Variants in ERI1 observed in about 807,000 individuals in gnomAD.
ERI1 encodes the protein 3'-5' exoribonuclease 1.
A neutral mutation model predicts 39.7 loss-of-function variants in ERI1; 39 were observed. The observed-to-expected ratio is 0.98, with a 90% CI of 0.76 to 1.28. The LOEUF is 1.28. Ranked by LOEUF, ERI1 falls within the 50% of genes most tolerant of loss-of-function variation. The pLI, the probability that ERI1 is intolerant of heterozygous loss-of-function variation, is 0.00. For missense variants in ERI1, 581 were observed against 416.9 expected, an observed-to-expected ratio of 1.39 and a Z score of -3.43; for synonymous variants, 204 against 149.6, an observed-to-expected ratio of 1.36 and a Z score of -2.65.
intron 3 of ERI1, chr8:9,099,763 G>A (rs1415513525): frequency 6.6e-6 from 1 of 152,094 alleles, no homozygotes; most frequent in Admixed American, 6.5e-5. Flanking sequence ...ATGGACCTTT[G>A]GGGTTGTTTC....
chr8:9,004,922 A>C (rs577084907), intron 1 of ERI1, among the ~76,000 whole-genome samples: 301 of 152,164 alleles, frequency 2.0e-3, no homozygotes, highest in African/African-American at 7.1e-3. Context: ...TCCTGACCTC[A>C]GGTGATCCGC....
intron 3 of ERI1, among the ~76,000 whole-genome samples, chr8:9,048,985 A>G (rs781485878): frequency 7.2e-5 from 11 of 152,008 alleles, no homozygotes; most frequent in Non-Finnish European, 1.0e-4. Flanking sequence ...GGATCAAGAT[A>G]GGTGGAGGTG....
intron 3 of ERI1, among the ~76,000 whole-genome samples, chr8:9,041,908 A>G (rs184208022): frequency 2.0e-5 from 3 of 152,134 alleles, no homozygotes; most frequent in Admixed American, 1.3e-4. Flanking sequence ...CTGATTTTGT[A>G]TTTTTAGTAG....
chr8:9,065,660 A>C (rs1172583344), intron 3 of ERI1, among the ~76,000 whole-genome samples: 1 of 141,840 alleles, frequency 7.1e-6, no homozygotes, highest in African/African-American at 2.7e-5. Flanking sequence ...GCAGCACTGC[A>C]CTCCAGCCTG....
At chr8:9,068,767 C>T (rs998327722) in intron 3 of ERI1, among the ~76,000 whole-genome samples, 8 of 152,088 alleles carry the variant, frequency 5.3e-5, no homozygotes, top group African/African-American at 1.9e-4. Context: ...TGTTCACCTG[C>T]GTACCTTGAG....
At chr8:9,010,837 G>A (rs1157036833) in intron 2 of ERI1, among the ~76,000 whole-genome samples, 1 of 152,084 alleles carries the variant, frequency 6.6e-6, no homozygotes, top group African/African-American at 2.4e-5. Context: ...TTTGTGGAAT[G>A]TATATTTTAA....
At chr8:9,063,834 T>C (rs1798781630) in intron 3 of ERI1, among the ~76,000 whole-genome samples, 1 of 151,948 alleles carries the variant, frequency 6.6e-6, no homozygotes, top group Admixed American at 6.6e-5. Context: ...CAGAAGAAAA[T>C]AAGGCATTTA....
At chr8:9,090,951 C>A (rs913806257) in intron 3 of ERI1, among the ~76,000 whole-genome samples, 1 of 152,056 alleles carries the variant, frequency 6.6e-6, no homozygotes, top group Non-Finnish European at 1.5e-5. Context: ...ATATTACTTT[C>A]TAATACTTAG....
downstream of ERI1, among the ~76,000 whole-genome samples, chr8:9,035,036 A>G (rs1001047621): frequency 6.6e-6 from 1 of 152,220 alleles, no homozygotes; most frequent in African/African-American, 2.4e-5. Context: ...ATATTCTGTG[A>G]GGGTTGAGGG....
intron 3 of ERI1, among the ~76,000 whole-genome samples, chr8:9,042,541 C>A (rs898145608): frequency 6.6e-6 from 1 of 152,210 alleles, no homozygotes; most frequent in Non-Finnish European, 1.5e-5. Flanking sequence ...TGCCAGTTCC[C>A]TGTTCTTTGA....
At position 9,013,991 on chromosome 8, in the gene ERI1, A is replaced by C. The variant is rs28726165; in HGVS notation, c.498+2239A>C. On this transcript the variant is annotated intron_variant, in intron 3 of 6. Transcript: ENST00000250263. ...GTGTTTCTGTCTGTGTCCGCCTACA[A>C]CCAGTTCTCAAAAAACTGGCCAGAG... Among the ~76,000 whole-genome samples the C allele has an allele frequency of 2.7e-3, 409 of 152,248 alleles. 1 individual carries two copies. The highest frequency in any genetic ancestry group is 9.0e-3 in the African/African-American group (374 of 41,524).
chr8:9,048,064 C>T (rs993707526), intron 3 of ERI1, among the ~76,000 whole-genome samples: 1 of 152,240 alleles, frequency 6.6e-6, no homozygotes, highest in Non-Finnish European at 1.5e-5. Context: ...CCCCCAGACT[C>T]TGCAGCCTTT....
At chr8:9,006,847 A>G (rs62495494) in intron 1 of ERI1, among the ~76,000 whole-genome samples, 23,079 of 152,148 alleles carry the variant, frequency 0.15, 2,398 homozygotes, top group Non-Finnish European at 0.23. Context: ...TGTGTGTTGC[A>G]TTAAATTGAG....
chr8:9,042,885 T>C (rs1280693996), intron 3 of ERI1, among the ~76,000 whole-genome samples: 1 of 152,230 alleles, frequency 6.6e-6, no homozygotes, highest in African/African-American at 2.4e-5. Context: ...ATGCTCAACC[T>C]ACACGTGCAC....
chr8:9,029,271 T>C (rs191738196), intron 6 of ERI1, among the ~76,000 whole-genome samples: 1 of 152,174 alleles, frequency 6.6e-6, no homozygotes, highest in East Asian at 1.9e-4. Context: ...TTTTTAGATG[T>C]CTGAGGATCC....
chr8:9,007,935 CTTTTTTTTTTTTTTT>C lies in ERI1; in HGVS notation c.109-20_109-6del, dbSNP rs556702690. The stretch of plus-strand genomic sequence containing the variant: ...GTTTGTACTAATTATAAACTACATC[CTTTTTTTTTTTTTTT>C]TTTTTTTTTTTTTTGGTAGGAAACT... On this transcript the variant is annotated intron_variant, in intron 1 of 6. Transcript: ENST00000250263. The C allele has an allele frequency of 4.0e-3, 3,860 of 969,164 alleles. 3 individuals are homozygous for C. Among genetic ancestry groups the C allele is most frequent in the Admixed American group, 6.6e-3 (144 of 21,696 alleles). 60.0% of individuals were successfully genotyped at this position (969,164 alleles called of 1,614,324 possible).
In ERI1 at chr8:9,031,677, T is replaced by G. The variant is rs1797599895; in HGVS notation, c.*1643T>G. ...CTATCTGCTAATTTCTTTGCCTGTT[T>G]TCACTTTCGCCAAGTACCAACAAGC... On this transcript the variant is annotated 3_prime_UTR_variant, in exon 7 of 7. Transcript: ENST00000250263. The G allele has an allele frequency of 6.6e-6, 1 of 152,232 alleles. No homozygotes were observed. The highest frequency in any genetic ancestry group is 2.4e-5 in the African/African-American group (1 of 41,454). The allele number at this position is 152,232 out of a possible 1,614,324, so 9.4% of individuals were successfully genotyped here. A position where few individuals can be genotyped will look rare whatever the true frequency, so the allele number is the denominator to read the frequency against.
rs578078849 is a variant in ERI1, at chr8:9,049,293, G to A, written n.299+28829G>A. On this transcript the variant is annotated intron_variant and non_coding_transcript_variant, in intron 3 of 3. Transcript: ENST00000518663. ...AGAGCTTGCAGTGAGCCGAGAGCAC[G>A]CCACTGTACTCCAGCCTGGGCGACA... Among the ~76,000 whole-genome samples the A allele has an allele frequency of 1.2e-3, 141 of 118,242 alleles. 1 individual carries two copies. The highest frequency in any genetic ancestry group is 1.8e-3 in the Non-Finnish European group (114 of 62,422). The allele number at this position is 118,242 out of a possible 152,430, so 77.6% of individuals were successfully genotyped here.
intron 3 of ERI1, among the ~76,000 whole-genome samples, chr8:9,050,554 A>G (rs1028079024): frequency 6.6e-6 from 1 of 152,152 alleles, no homozygotes; most frequent in African/African-American, 2.4e-5. Flanking sequence ...GCTAGAACAG[A>G]AAAAGAGATT....
Sources: gnomAD v4.1 joint callset for allele counts (sites outside exome capture counted in the v4.1 genomes callset) on GRCh38, gnomAD v4.1.1 for gene constraint, MANE v1.5 for transcripts, NCBI Gene and HGNC (gene_info 2026-07-23, HGNC 2026-07-21) for gene names.